GOLPH3: variants seen among roughly 807,000 people sequenced by gnomAD.
The protein encoded by GOLPH3 is coat protein GPP34.
GOLPH3 carries 14 observed loss-of-function variants against 28.5 expected under a neutral mutation model. The observed-to-expected ratio is 0.49, with a 90% CI of 0.32 to 0.77. The LOEUF is 0.77. Among genes scored for constraint, GOLPH3 ranks in the 30% least tolerant of loss-of-function variants. The pLI is 0.03. For synonymous variants in GOLPH3, 158 were observed against 159.2 expected (o/e 0.99, Z 0.06); for missense variants, 350 against 393.7 (o/e 0.89, Z 0.94).
intron 1 of GOLPH3, among the ~76,000 whole-genome samples, chr5:32,146,054 G>C (rs1425125094): frequency 6.6e-6 from 1 of 152,124 alleles, no homozygotes; most frequent in Non-Finnish European, 1.5e-5. Flanking sequence ...CACTTCGGGA[G>C]GCAGAGGCAA....
chr5:32,154,650 C>G (rs1384478793), intron 1 of GOLPH3, among the ~76,000 whole-genome samples: 1 of 152,116 alleles, frequency 6.6e-6, no homozygotes, highest in Non-Finnish European at 1.5e-5. Flanking sequence ...GCTAAGAATC[C>G]CTAAATTAGA....
At chr5:32,140,752 G>A (rs1746040672) in intron 2 of GOLPH3, among the ~76,000 whole-genome samples, 1 of 143,952 alleles carries the variant, frequency 6.9e-6, no homozygotes, top group African/African-American at 2.6e-5. Flanking sequence ...AGTGAACCAA[G>A]ATCATACCAA....
chr5:32,170,623 A>AT (rs1209703739), intron 1 of GOLPH3, among the ~76,000 whole-genome samples: 10 of 152,136 alleles, frequency 6.6e-5, no homozygotes, highest in Non-Finnish European at 1.3e-4. Flanking sequence ...ATACCAACAG[A>AT]TAAGTTGACA....
chr5:32,161,397 T>A (rs1388461922), intron 1 of GOLPH3, among the ~76,000 whole-genome samples: 5 of 136,478 alleles, frequency 3.7e-5, no homozygotes, highest in Non-Finnish European at 7.6e-5. Context: ...GAGCATACCT[T>A]GTCTCAAAAA....
At position 32,158,119 on chromosome 5, in the gene GOLPH3, TAAATAAATAAA is replaced by T. The variant is rs1266896930; in HGVS notation, c.226-14250_226-14240del. 7.3e-4 allele frequency among the ~76,000 whole-genome samples: 73 copies of T among 99,994 alleles called. 2 individuals carry two copies. The highest frequency in any genetic ancestry group is 1.0e-3 in the Non-Finnish European group (54 of 52,360). The allele number at this position is 99,994 out of a possible 152,430, so 65.6% of individuals were successfully genotyped here. A position where few individuals can be genotyped will look rare whatever the true frequency, so the allele number is the denominator to read the frequency against. On this transcript the variant is annotated intron_variant, in intron 1 of 3. Coordinates refer to ENST00000265070, the MANE Select transcript of GOLPH3 (RefSeq NM_022130.4). ...ATAAATAAATAAATAAATAAATAAATAAATAAATAAAATACACACACACACACACACACACA... is the reference window on the plus strand; with the variant it reads ...ATAAATAAATAAATAAATAAATAAATATACACACACACACACACACACACA...
chr5:32,173,899 C>T lies in GOLPH3; in HGVS notation c.136G>A (p.Glu46Lys), dbSNP rs866916083. 2 of 1,519,126 alleles carry T rather than the reference C, an allele frequency of 1.3e-6. No individual in the cohort carries two copies. The highest frequency in any genetic ancestry group is 2.0e-5 in the Admixed American group (1 of 49,918). The allele number at this position is 1,519,126 out of a possible 1,614,324, so 94.1% of individuals were successfully genotyped here. A position where few individuals can be genotyped will look rare whatever the true frequency, so the allele number is the denominator to read the frequency against. Residue 46 changes from glutamate (E) to lysine (K), a missense_variant, in exon 1 of 4, where the codon GAG (glutamate) becomes AAG (lysine). Physicochemically the swap from Glu to Lys is moderately conservative, Grantham distance 56. Transcript: ENST00000265070. ...TCGCCCTTGTCGTCGTCGTCCTGCT[C>T]GTCGCGGCGGCTCTGCGCGTCGTCC... ...SEDDAQSRRD[E>K]QDDDDKGDSK...
chr5:32,171,978 A>C (rs1172830375), intron 1 of GOLPH3, among the ~76,000 whole-genome samples: 1 of 152,158 alleles, frequency 6.6e-6, no homozygotes, highest in African/African-American at 2.4e-5. Flanking sequence ...ACAAATGTTT[A>C]TAATCAAGAT....
At chr5:32,150,408 T>C (rs375619051) in intron 1 of GOLPH3, among the ~76,000 whole-genome samples, 1 of 109,670 alleles carries the variant, frequency 9.1e-6, no homozygotes, top group Non-Finnish European at 1.9e-5. Context: ...AAGTTACAAA[T>C]AAAAGTTCCT....
intron 1 of GOLPH3, among the ~76,000 whole-genome samples, chr5:32,157,933 C>A (rs1360581062): frequency 6.6e-6 from 1 of 151,014 alleles, no homozygotes; most frequent in Non-Finnish European, 1.5e-5. Flanking sequence ...GCCGAGATCA[C>A]GCCATTGTAC....
rs1006353783 is a variant in GOLPH3, at chr5:32,173,750, A to G, written c.225+60T>C. ...GGGCGCTCACCTGGCACCTACCTGG[A>G]GCTCACCTGGCGCCCGGGCCCCGCG... On this transcript the variant is annotated intron_variant, in intron 1 of 3. Transcript: ENST00000265070. 16 of 1,215,694 alleles carry G rather than the reference A, an allele frequency of 1.3e-5. No individual in the cohort carries two copies. In the African/African-American group the frequency reaches 2.6e-4, roughly 19 times the overall value. The allele number at this position is 1,215,694 out of a possible 1,614,324, so 75.3% of individuals were successfully genotyped here.
chr5:32,170,013 T>C (rs1439528137), intron 1 of GOLPH3, among the ~76,000 whole-genome samples: 1 of 151,634 alleles, frequency 6.6e-6, no homozygotes. Context: ...ACAGGTAATC[T>C]GAAGCCAGAC....
At chr5:32,142,660 C>T (rs1223388178) in intron 2 of GOLPH3, among the ~76,000 whole-genome samples, 1 of 141,426 alleles carries the variant, frequency 7.1e-6, no homozygotes, top group Non-Finnish European at 1.5e-5. Flanking sequence ...GGGGGGTCAG[C>T]CCCCAAGCCC....
At chr5:32,143,721 A>G in intron 2 of GOLPH3, 28 bp downstream of exon 2, 16 of 1,583,934 alleles carry the variant, frequency 1.0e-5, no homozygotes, top group Non-Finnish European at 1.4e-5. Flanking sequence ...ACCTCTTTAA[A>G]AAGAATGTTA....
At position 32,143,756 on chromosome 5, in the gene GOLPH3, G is replaced by C. The variant is rs1032304657; in HGVS notation, c.350C>G (p.Thr117Arg). 2 of 1,607,716 alleles carry C rather than the reference G, an allele frequency of 1.2e-6. No individual in the cohort carries two copies. The highest frequency in any genetic ancestry group is 1.7e-6 in the Non-Finnish European group (2 of 1,178,038). ...ACGMRRKSLLTRKVICKSDAP... is the reference protein window; with the variant it reads ...ACGMRRKSLLRRKVICKSDAP... ...ACTCAGCACTCCTCTTACCTTTCTT[G>C]TTAATAGACTTTTACGTCTCATTCC... The change falls in exon 2 of 4, where the codon ACA becomes AGA. Residue 117 changes from threonine (T) to arginine (R), a missense_variant. By Grantham distance (71) the Thr-to-Arg change is moderately conservative. Transcript: ENST00000265070.
intron 1 of GOLPH3, among the ~76,000 whole-genome samples, chr5:32,168,869 G>A (rs1282845821): frequency 6.6e-6 from 1 of 152,166 alleles, no homozygotes; most frequent in Non-Finnish European, 1.5e-5. Flanking sequence ...TGAGGCGGGA[G>A]GATCACTTGA....
intron 3 of GOLPH3, among the ~76,000 whole-genome samples, chr5:32,131,429 T>C (rs1239564997): frequency 6.6e-6 from 1 of 152,242 alleles, no homozygotes; most frequent in Non-Finnish European, 1.5e-5. Flanking sequence ...GATGGATTTC[T>C]GAGGAGAAGA....
chr5:32,163,911 T>C (rs1233028763), intron 1 of GOLPH3, among the ~76,000 whole-genome samples: 1 of 152,332 alleles, frequency 6.6e-6, no homozygotes, highest in East Asian at 1.9e-4. Flanking sequence ...ATAAACTGTT[T>C]AGCATTTCCA....
At position 32,173,876 on chromosome 5, in the gene GOLPH3, G is replaced by A. The variant is rs570193862; in HGVS notation, c.159C>T (p.Gly53=). 15 of 1,527,126 alleles carry A rather than the reference G, an allele frequency of 9.8e-6. No individual in the cohort carries two copies. In the South Asian group the frequency reaches 1.3e-4, roughly 14 times the overall value. 94.6% of individuals were successfully genotyped at this position (1,527,126 alleles called of 1,614,324 possible). A position where few individuals can be genotyped will look rare whatever the true frequency, so the allele number is the denominator to read the frequency against. ...RRDEQDDDDK[G]DSKETRLTLM... is the part of the protein sequence containing the mutation. ...GGGTCAGCCGCGTTTCCTTGGAGTC[G>A]CCCTTGTCGTCGTCGTCCTGCTCGT... The change falls in exon 1 of 4, where the codon GGC becomes GGT. Residue 53 remains glycine, a synonymous_variant. Transcript: ENST00000265070.
chr5:32,158,424 C>T (rs1240443434), intron 1 of GOLPH3, among the ~76,000 whole-genome samples: 1 of 152,092 alleles, frequency 6.6e-6, no homozygotes, highest in African/African-American at 2.4e-5. Context: ...TCCTAAAATA[C>T]CTTAAATCTC....
Sources: gnomAD v4.1 joint callset for allele counts (sites outside exome capture counted in the v4.1 genomes callset) on GRCh38, gnomAD v4.1.1 for gene constraint, MANE v1.5 for transcripts, NCBI Gene and HGNC (gene_info 2026-07-23, HGNC 2026-07-21) for gene names.